The following RBMS3 variants were observed in gnomAD, a reference collection of about 807,000 sequenced individuals.
RBMS3 encodes RNA-binding motif, single-stranded-interacting protein 3.
RBMS3 carries 27 observed loss-of-function variants against 66.8 expected under a neutral mutation model. The observed-to-expected ratio is 0.40, with a 90% CI of 0.30 to 0.56. RBMS3 has a LOEUF of 0.56. Among genes scored for constraint, RBMS3 ranks in the 20% least tolerant of loss-of-function variants. The pLI, the probability that RBMS3 is intolerant of heterozygous loss-of-function variation, is 0.40. For missense variants in RBMS3, 513 were observed against 549.5 expected, an observed-to-expected ratio of 0.93 and a Z score of 0.66; for synonymous variants, 188 against 183.0, an observed-to-expected ratio of 1.03 and a Z score of -0.22.
intron 4 of RBMS3, among the ~76,000 whole-genome samples, chr3:29,597,492 A>G (rs2047986429): frequency 6.6e-6 from 1 of 152,144 alleles, no homozygotes; most frequent in Non-Finnish European, 1.5e-5. Flanking sequence ...AAGGCAGCAT[A>G]CTCAGTTTAA....
intron 2 of RBMS3, among the ~76,000 whole-genome samples, chr3:29,438,702 CTT>C (rs2041494010): frequency 6.6e-6 from 1 of 152,120 alleles, no homozygotes; most frequent in Non-Finnish European, 1.5e-5. Context: ...CTTGTAATGT[CTT>C]TTTCTTGAGA....
intron 1 of RBMS3, among the ~76,000 whole-genome samples, chr3:29,431,133 C>T (rs914010750): frequency 4.6e-5 from 7 of 152,014 alleles, no homozygotes; most frequent in African/African-American, 1.7e-4. Flanking sequence ...TATTAAATTT[C>T]AAAAGGCAAT....
In RBMS3 at chr3:29,391,017, A is replaced by G. The variant is rs2125643860; in HGVS notation, c.76-43726A>G. The G allele has an allele frequency of 5.1e-6, 2 of 389,304 alleles. 1 individual carries two copies. The highest frequency in any genetic ancestry group is 4.3e-5 in the South Asian group (2 of 46,814). 24.1% of individuals were successfully genotyped at this position (389,304 alleles called of 1,614,324 possible). On this transcript the variant is annotated intron_variant, in intron 1 of 14. Transcript: ENST00000383767. Reference sequence around the variant, plus strand: ...TCTGTGTTTACATTCAACTGTAATGAGCTTTGTATGTCAAGTTGGTGGAGG... The same window carrying G: ...TCTGTGTTTACATTCAACTGTAATGGGCTTTGTATGTCAAGTTGGTGGAGG...
In RBMS3 at chr3:29,944,042, G is replaced by A. The variant is rs185892136; in HGVS notation, c.1051-165G>A. On this transcript the variant is annotated intron_variant, in intron 11 of 14. Coordinates refer to ENST00000383767, the MANE Select transcript of RBMS3 (RefSeq NM_001003793.3). ...ACAGTATTGTGGTAATAGGGACCAT[G>A]GTATCAAATGCAAATGAGGAATCCT... 2.0e-3 allele frequency among the ~76,000 whole-genome samples: 303 copies of A among 151,790 alleles called. 2 individuals carry two copies. The highest frequency in any genetic ancestry group is 3.1e-3 in the Non-Finnish European group (210 of 67,772).
chr3:29,512,914 G>A (rs1012043056), intron 3 of RBMS3, among the ~76,000 whole-genome samples: 5 of 152,178 alleles, frequency 3.3e-5, no homozygotes, highest in African/African-American at 1.2e-4. Context: ...TATTTGGAAA[G>A]CGCTGCTTGT....
intron 2 of RBMS3, among the ~76,000 whole-genome samples, chr3:29,441,379 A>T (rs1415975117): frequency 6.6e-6 from 1 of 152,196 alleles, no homozygotes; most frequent in Non-Finnish European, 1.5e-5. Context: ...ATATTTATAT[A>T]TTTACATTAA....
Position 29,965,547 on chromosome 3 carries a change from C to T in RBMS3, c.1098+21293C>T, listed in dbSNP as rs9839098. Among the ~76,000 whole-genome samples, 1,153 of 152,050 alleles carry T rather than the reference C, an allele frequency of 7.6e-3. 21 individuals carry two copies. The highest frequency in any genetic ancestry group is 0.026 in the African/African-American group (1,079 of 41,506). ...TCTTCTTTTGAGAATTGTCTATTCA[C>T]GTCCTTGGCCCACTTTTTGATGGGA... is the stretch of plus-strand genomic sequence containing the variant. On this transcript the variant is annotated intron_variant, in intron 12 of 14. Transcript: ENST00000383767.
intron 8 of RBMS3, among the ~76,000 whole-genome samples, chr3:29,895,382 A>C (rs2060103156): frequency 6.6e-6 from 1 of 151,520 alleles, no homozygotes; most frequent in South Asian, 2.1e-4. Context: ...ATCAAGATGT[A>C]GAACAGGTAT....
At chr3:29,517,336 T>G (rs1361703700) in intron 3 of RBMS3, among the ~76,000 whole-genome samples, 4 of 150,698 alleles carry the variant, frequency 2.7e-5, no homozygotes, top group African/African-American at 4.9e-5. Context: ...TTTTGTTTTT[T>G]TTTTGAAACA....
chr3:29,789,127 T>C (rs2056920144), intron 6 of RBMS3, among the ~76,000 whole-genome samples: 1 of 152,156 alleles, frequency 6.6e-6, no homozygotes, highest in Non-Finnish European at 1.5e-5. Context: ...TGAAAGTTGA[T>C]GTTTGTAAGT....
At chr3:29,778,852 A>G (rs2056518560) in intron 6 of RBMS3, among the ~76,000 whole-genome samples, 1 of 151,918 alleles carries the variant, frequency 6.6e-6, no homozygotes, top group African/African-American at 2.4e-5. Flanking sequence ...TTAGGTGTTA[A>G]CATTGTACTG....
In RBMS3 at chr3:29,869,355, C is replaced by A. The variant is rs3773110; in HGVS notation, c.744+391C>A. On this transcript the variant is annotated intron_variant, in intron 7 of 14. Transcript: ENST00000383767. ...ATGTTTGTGTTTTGAAACAGGCAGA[C>A]AAAATTTGGCTGTTTTTCATTCTGT... Among the ~76,000 whole-genome samples, 15 of 152,152 alleles carry A rather than the reference C, an allele frequency of 9.9e-5. No individual in the cohort carries two copies. The East Asian group carries it at 2.9e-3, about 29-fold the overall frequency.
At chr3:29,636,396 A>T (rs2049474885) in intron 4 of RBMS3, among the ~76,000 whole-genome samples, 1 of 151,874 alleles carries the variant, frequency 6.6e-6, no homozygotes, top group Non-Finnish European at 1.5e-5. Context: ...GTGCAAATAA[A>T]AATTTTTCTA....
intron 4 of RBMS3, among the ~76,000 whole-genome samples, chr3:29,644,773 T>TA (rs2049855488): frequency 6.6e-6 from 1 of 152,198 alleles, no homozygotes; most frequent in Non-Finnish European, 1.5e-5. Flanking sequence ...CGAAGAGTAG[T>TA]TCATGGCTGA....
intron 1 of RBMS3, among the ~76,000 whole-genome samples, chr3:29,353,387 C>T (rs34721711): frequency 0.18 from 27,111 of 151,734 alleles, 2,537 homozygotes; most frequent in Admixed American, 0.24. Flanking sequence ...TAATATTAGA[C>T]GAGCTCTGTG....
intron 6 of RBMS3, among the ~76,000 whole-genome samples, chr3:29,837,206 A>G (rs2058533579): frequency 6.6e-6 from 1 of 151,732 alleles, no homozygotes; most frequent in African/African-American, 2.4e-5. Flanking sequence ...CAAAACCATA[A>G]TGAGTATGAG....
chr3:29,767,151 G>T (rs753101574), intron 6 of RBMS3: 1 of 151,934 alleles, frequency 6.6e-6, no homozygotes, highest in Non-Finnish European at 1.5e-5. Flanking sequence ...GATCTGTGGG[G>T]CATGGACTTG....
chr3:29,697,689 A>T (rs555820114), intron 4 of RBMS3, among the ~76,000 whole-genome samples: 2 of 152,208 alleles, frequency 1.3e-5, no homozygotes, highest in Non-Finnish European at 2.9e-5. Flanking sequence ...GAGTTTGTTT[A>T]TGTTTCATAT....
intron 1 of RBMS3, among the ~76,000 whole-genome samples, chr3:29,320,649 G>A (rs1021181023): frequency 4.7e-4 from 72 of 152,072 alleles, no homozygotes; most frequent in African/African-American, 1.7e-3. Context: ...TTTTATGTTA[G>A]TTATTTATTA....
Sources: gnomAD v4.1 joint callset for allele counts (sites outside exome capture counted in the v4.1 genomes callset) on GRCh38, gnomAD v4.1.1 for gene constraint, MANE v1.5 for transcripts, NCBI Gene and HGNC (gene_info 2026-07-23, HGNC 2026-07-21) for gene names.